The following GALNT13 variants were observed in gnomAD, a reference collection of about 807,000 sequenced individuals.
The protein encoded by GALNT13 is polypeptide N-acetylgalactosaminyltransferase 13.
GALNT13 carries 28 observed loss-of-function variants against 64.2 expected under a neutral mutation model. That is an observed-to-expected ratio of 0.44 (90% CI 0.32 to 0.60). GALNT13 has a LOEUF of 0.60. Among genes scored for constraint, GALNT13 ranks in the 20% least tolerant of loss-of-function variants. GALNT13 has a pLI of 0.05. For missense variants in GALNT13, 577 were observed against 669.8 expected (o/e 0.86, Z 1.53); for synonymous variants, 214 against 224.6 (o/e 0.95, Z 0.42).
the GALNT13 span, among the ~76,000 whole-genome samples, chr2:153,728,818 C>T: frequency 1.3e-5 from 2 of 152,090 alleles, no homozygotes; most frequent in Admixed American, 6.6e-5. Context: ...CACCACTGAT[C>T]CCACAGAAAT....
the GALNT13 span, among the ~76,000 whole-genome samples, chr2:153,561,512 A>G: frequency 6.6e-6 from 1 of 152,118 alleles, no homozygotes; most frequent in East Asian, 1.9e-4. Context: ...ATGTGTTTTG[A>G]CTGTGACCCA....
the GALNT13 span, among the ~76,000 whole-genome samples, chr2:153,531,206 G>C: frequency 6.6e-6 from 1 of 152,174 alleles, no homozygotes; most frequent in Non-Finnish European, 1.5e-5. Flanking sequence ...AAAGAAAAGA[G>C]ATTTAATTGG....
chr2:153,619,969 T>C, the GALNT13 span, among the ~76,000 whole-genome samples: 1 of 152,146 alleles, frequency 6.6e-6, no homozygotes, highest in Admixed American at 6.6e-5. Flanking sequence ...AACCTTCTTT[T>C]AATTAGATAT....
chr2:154,182,805 C>T (rs1686037376), intron 4 of GALNT13, among the ~76,000 whole-genome samples: 1 of 151,784 alleles, frequency 6.6e-6, no homozygotes, highest in South Asian at 2.1e-4. Flanking sequence ...CTTTGGAAGG[C>T]CCAAAGCTAG....
chr2:154,405,190 G>A (rs1251517607), intron 10 of GALNT13, among the ~76,000 whole-genome samples: 3 of 151,938 alleles, frequency 2.0e-5, no homozygotes, highest in African/African-American at 7.2e-5. Context: ...TAGAAAAACT[G>A]AAATGTGCAA....
At chr2:154,066,182 A>G (rs2105377675) in intron 3 of GALNT13, among the ~76,000 whole-genome samples, 1 of 152,272 alleles carries the variant, frequency 6.6e-6, no homozygotes, top group East Asian at 1.9e-4. Flanking sequence ...ATCACAGCAG[A>G]CGAAAGAAAA....
the GALNT13 span, among the ~76,000 whole-genome samples, chr2:153,799,222 G>T: frequency 6.6e-6 from 1 of 152,058 alleles, no homozygotes; most frequent in Admixed American, 6.6e-5. Flanking sequence ...TTAGTGTTTA[G>T]TTTGTTCTAT....
chr2:153,509,676 G>A, the GALNT13 span, among the ~76,000 whole-genome samples: 2 of 152,216 alleles, frequency 1.3e-5, no homozygotes, highest in African/African-American at 4.8e-5. Context: ...GTGTATGTGT[G>A]TGAACTTGGT....
chr2:153,939,933 C>A (rs932064351), intron 2 of GALNT13, among the ~76,000 whole-genome samples: 1 of 152,060 alleles, frequency 6.6e-6, no homozygotes, highest in African/African-American at 2.4e-5. Flanking sequence ...AGTGTTGAAA[C>A]CCAGACTCAA....
chr2:154,020,196 A>G (rs1264474957), intron 3 of GALNT13, among the ~76,000 whole-genome samples: 4 of 152,206 alleles, frequency 2.6e-5, no homozygotes, highest in African/African-American at 9.6e-5. Context: ...ATGATTTATA[A>G]TCCTTTGGGT....
the GALNT13 span, among the ~76,000 whole-genome samples, chr2:153,615,770 T>C: frequency 6.6e-6 from 1 of 152,110 alleles, no homozygotes; most frequent in Non-Finnish European, 1.5e-5. Context: ...TTTGTCCATT[T>C]TAAAAATCAG....
At chr2:153,393,948 A>G in the GALNT13 span, among the ~76,000 whole-genome samples, 2 of 59,406 alleles carry the variant, frequency 3.4e-5, no homozygotes, top group African/African-American at 2.0e-4. Context: ...CTCTCTGTCT[A>G]CACACACACA....
chr2:153,716,465 C>T, the GALNT13 span, among the ~76,000 whole-genome samples: 1 of 152,040 alleles, frequency 6.6e-6, no homozygotes, highest in African/African-American at 2.4e-5. Flanking sequence ...AGATTGGACA[C>T]CCCTGAAAAG....
At chr2:154,269,340 T>G (rs1185380073) in intron 8 of GALNT13, among the ~76,000 whole-genome samples, 1 of 152,058 alleles carries the variant, frequency 6.6e-6, no homozygotes, top group East Asian at 1.9e-4. Context: ...TCCAGCTGAT[T>G]TATTTCTCTT....
intron 3 of GALNT13, among the ~76,000 whole-genome samples, chr2:154,130,952 G>A (rs1682577139): frequency 7.3e-6 from 1 of 137,510 alleles, no homozygotes; most frequent in African/African-American, 3.2e-5. Context: ...TGGTGCTTTT[G>A]TTTCCAAAGA....
intron 1 of GALNT13, among the ~76,000 whole-genome samples, chr2:153,891,678 A>T (rs1185531269): frequency 6.6e-6 from 1 of 152,082 alleles, no homozygotes; most frequent in African/African-American, 2.4e-5. Context: ...ACTATGCCTC[A>T]TCATTGGTTT....
rs541295650 is a variant in GALNT13, at chr2:154,453,258, A to G, written c.*2707A>G. 6.6e-6 allele frequency: 1 copy of G among 152,052 alleles called. No individual in the cohort carries two copies. Among genetic ancestry groups the G allele is most frequent in the Admixed American group, 6.6e-5 (1 of 15,218 alleles). The allele number at this position is 152,052 out of a possible 1,614,324, so 9.4% of individuals were successfully genotyped here. ...TGATTGTGTCACTTCCCTGCTCACA[A>G]TCTTCCAATGACTTCTCCCTCCGGT... On this transcript the variant is annotated 3_prime_UTR_variant, in exon 13 of 13. Coordinates refer to ENST00000392825, the MANE Select transcript of GALNT13 (RefSeq NM_052917.4).
intron 9 of GALNT13, among the ~76,000 whole-genome samples, chr2:154,391,695 C>A (rs1285241123): frequency 1.3e-5 from 2 of 152,160 alleles, no homozygotes; most frequent in East Asian, 3.8e-4. Context: ...TTGTACTAAA[C>A]CTTTTCCAGG....
At chr2:154,282,774 T>A (rs1692033849) in intron 8 of GALNT13, among the ~76,000 whole-genome samples, 1 of 152,216 alleles carries the variant, frequency 6.6e-6, no homozygotes, top group Non-Finnish European at 1.5e-5. Context: ...CTCTGGCTTC[T>A]GGCAGGTGAC....
Sources: allele counts gnomAD v4.1 joint callset (sites outside exome capture counted in the v4.1 genomes callset), GRCh38; gene constraint gnomAD v4.1.1; transcripts MANE v1.5; gene names NCBI Gene and HGNC (gene_info 2026-07-23, HGNC 2026-07-21).